Variants in LDLRAD3 observed in about 807,000 individuals in gnomAD.
LDLRAD3 encodes low-density lipoprotein receptor class A domain-containing protein 3.
Under a neutral mutation model 29.4 loss-of-function variants are expected in LDLRAD3, and 20 were observed. The observed-to-expected ratio is 0.68, with a 90% CI of 0.48 to 0.99. The LOEUF is 0.99. Among genes scored for constraint, LDLRAD3 ranks in the 50% least tolerant of loss-of-function variants. LDLRAD3 has a pLI of 0.00. For synonymous variants in LDLRAD3, 157 were observed against 192.7 expected (o/e 0.81, Z 1.53); for missense variants, 420 against 454.3 (o/e 0.92, Z 0.69).
At chr11:35,986,494 G>A (rs568077912) in intron 1 of LDLRAD3, among the ~76,000 whole-genome samples, 11 of 152,186 alleles carry the variant, frequency 7.2e-5, no homozygotes, top group Non-Finnish European at 1.2e-4. Flanking sequence ...GGGTAGGAGA[G>A]GTCTGTGCTG....
intron 1 of LDLRAD3, among the ~76,000 whole-genome samples, chr11:35,971,153 C>T (rs1393432157): frequency 6.6e-6 from 1 of 152,154 alleles, no homozygotes; most frequent in Admixed American, 6.5e-5. Flanking sequence ...TCTGCCTGTA[C>T]CCTTACCCCC....
At chr11:36,048,322 G>T (rs1287769891) in intron 2 of LDLRAD3, among the ~76,000 whole-genome samples, 1 of 152,124 alleles carries the variant, frequency 6.6e-6, no homozygotes, top group African/African-American at 2.4e-5. Flanking sequence ...GAGTGGGCTG[G>T]GGGACAGCCT....
chr11:36,209,568 C>G (rs1173855955), intron 4 of LDLRAD3, among the ~76,000 whole-genome samples: 1 of 152,036 alleles, frequency 6.6e-6, no homozygotes, highest in East Asian at 1.9e-4. Context: ...CCATGTTGGT[C>G]AGGCTGGTCT....
chr11:36,074,382 C>G (rs1255345357), intron 2 of LDLRAD3, among the ~76,000 whole-genome samples: 1 of 152,106 alleles, frequency 6.6e-6, no homozygotes, highest in East Asian at 1.9e-4. Context: ...TGCAATGATT[C>G]AAGAGACTGA....
In LDLRAD3 at chr11:36,204,004, G is replaced by T. The variant is rs1171163387; in HGVS notation, c.455-23081G>T. 5.9e-5 allele frequency among the ~76,000 whole-genome samples: 5 copies of T among 84,088 alleles called. No homozygotes were observed. The East Asian group carries it at 2.4e-3, about 40-fold the overall frequency. 55.2% of individuals were successfully genotyped at this position (84,088 alleles called of 152,430 possible). A position where few individuals can be genotyped will look rare whatever the true frequency, so the allele number is the denominator to read the frequency against. On this transcript the variant is annotated intron_variant, in intron 4 of 5. Coordinates refer to ENST00000315571, the MANE Select transcript of LDLRAD3 (RefSeq NM_174902.4). ...TTTCCAATTCTCATTAAGCACAATG[G>T]CTTTTAGTTTAAAAAAAAAAAAATC...
At chr11:36,181,620 G>A (rs151226889) in intron 4 of LDLRAD3, among the ~76,000 whole-genome samples, 1 of 152,114 alleles carries the variant, frequency 6.6e-6, no homozygotes, top group Non-Finnish European at 1.5e-5. Context: ...TGTGGGGTTG[G>A]ATATGAGCTG....
chr11:36,092,932 G>C (rs1438241960), intron 3 of LDLRAD3, among the ~76,000 whole-genome samples: 1 of 152,198 alleles, frequency 6.6e-6, no homozygotes, highest in Admixed American at 6.5e-5. Context: ...ACCATCCTCT[G>C]CTTCTGTTTT....
chr11:36,140,053 C>T (rs1025997296), intron 4 of LDLRAD3, among the ~76,000 whole-genome samples: 1 of 152,176 alleles, frequency 6.6e-6, no homozygotes, highest in Non-Finnish European at 1.5e-5. Flanking sequence ...GTAAATATTC[C>T]CTCTGGCAGC....
At chr11:36,110,677 C>T (rs1464099834) in intron 4 of LDLRAD3, among the ~76,000 whole-genome samples, 2 of 152,172 alleles carry the variant, frequency 1.3e-5, no homozygotes, top group Admixed American at 6.5e-5. Context: ...TGCAATTGCC[C>T]GGTCTCACCC....
At chr11:36,122,451 A>G (rs1198076277) in intron 4 of LDLRAD3, among the ~76,000 whole-genome samples, 2 of 152,214 alleles carry the variant, frequency 1.3e-5, no homozygotes, top group African/African-American at 4.8e-5. Context: ...AATTGTGACT[A>G]TCAAGTGTAA....
intron 3 of LDLRAD3, among the ~76,000 whole-genome samples, chr11:36,097,799 C>T (rs1042106847): frequency 1.3e-5 from 2 of 151,976 alleles, no homozygotes; most frequent in African/African-American, 4.8e-5. Context: ...CAAAATTTCT[C>T]CTGTACCCCG....
At chr11:36,028,948 A>T (rs1226491052) in intron 1 of LDLRAD3, among the ~76,000 whole-genome samples, 1 of 152,180 alleles carries the variant, frequency 6.6e-6, no homozygotes, top group Non-Finnish European at 1.5e-5. Flanking sequence ...TGTAAGGAGT[A>T]AAAAGGAACT....
intron 4 of LDLRAD3, among the ~76,000 whole-genome samples, chr11:36,144,007 TC>T (rs1854129298): frequency 6.9e-6 from 1 of 143,990 alleles, no homozygotes; most frequent in Non-Finnish European, 1.5e-5. Context: ...TGCTGCCATC[TC>T]GGCTCACTGC....
chr11:36,225,093 G>A (rs958588102), intron 4 of LDLRAD3, among the ~76,000 whole-genome samples: 1 of 152,284 alleles, frequency 6.6e-6, no homozygotes, highest in Admixed American at 6.5e-5. Context: ...CACACCTAGT[G>A]ATGAGGGATG....
intron 2 of LDLRAD3, among the ~76,000 whole-genome samples, chr11:36,043,601 G>A (rs1852409782): frequency 6.6e-6 from 1 of 152,196 alleles, no homozygotes; most frequent in African/African-American, 2.4e-5. Flanking sequence ...CAATGTGAAT[G>A]TTGTCTTTAT....
At chr11:36,125,747 G>A (rs796967469) in intron 4 of LDLRAD3, among the ~76,000 whole-genome samples, 16 of 152,296 alleles carry the variant, frequency 1.1e-4, no homozygotes, top group South Asian at 4.1e-4. Context: ...TTGTGATTCC[G>A]TAAGTTATTT....
At chr11:36,195,295 GCATA>G in intron 4 of LDLRAD3, among the ~76,000 whole-genome samples, 1 of 2,890 alleles carries the variant, frequency 3.5e-4, no homozygotes, top group African/African-American at 1.9e-3. Context: ...TTTTCTAGAA[GCATA>G]GAAGCATCGT....
Position 36,221,214 on chromosome 11 carries a change from G to T in LDLRAD3, c.455-5871G>T, listed in dbSNP as rs564258377. Among the ~76,000 whole-genome samples the T allele has an allele frequency of 3.9e-5, 6 of 152,168 alleles. No individual in the cohort carries two copies. In the East Asian group the frequency reaches 1.2e-3, roughly 29 times the overall value. On this transcript the variant is annotated intron_variant, in intron 4 of 5. Coordinates refer to ENST00000315571, the MANE Select transcript of LDLRAD3 (RefSeq NM_174902.4). ...TATATAAAATTAGCCAGGCATGGTGGGTGTCATGCGCTTATAATCCCAGTT... is the reference window on the plus strand; with the variant it reads ...TATATAAAATTAGCCAGGCATGGTGTGTGTCATGCGCTTATAATCCCAGTT...
rs144937458 is a variant in LDLRAD3, at chr11:36,038,973, T to TTC, written c.193+2725_193+2726insCT. Among the ~76,000 whole-genome samples, 251 of 50,032 alleles carry TTC rather than the reference T, an allele frequency of 5.0e-3. 3 individuals carry two copies. Among genetic ancestry groups the TTC allele is most frequent in the Middle Eastern group, 0.017 (1 of 60 alleles). The allele number at this position is 50,032 out of a possible 152,430, so 32.8% of individuals were successfully genotyped here. A position where few individuals can be genotyped will look rare whatever the true frequency, so the allele number is the denominator to read the frequency against. The stretch of plus-strand genomic sequence containing the variant: ...CTACTTTCATTTAAAATTTCTTTCT[T>TTC]TTTTTTTTTTTTTTAGACGGAGTCT... On this transcript the variant is annotated intron_variant, in intron 2 of 5. Coordinates refer to ENST00000315571, the MANE Select transcript of LDLRAD3 (RefSeq NM_174902.4).
Sources: allele counts gnomAD v4.1 joint callset (sites outside exome capture counted in the v4.1 genomes callset), GRCh38; gene constraint gnomAD v4.1.1; transcripts MANE v1.5; gene names NCBI Gene and HGNC (gene_info 2026-07-23, HGNC 2026-07-21).